SRC: variants seen among roughly 807,000 people sequenced by gnomAD.
The protein encoded by SRC is SRC proto-oncogene, non-receptor tyrosine kinase.
A neutral mutation model predicts 62.9 loss-of-function variants in SRC; 13 were observed. The observed-to-expected ratio is 0.21, with a 90% confidence interval of 0.13 to 0.33. SRC has a LOEUF of 0.33. Ranked by LOEUF, SRC falls within the 10% of genes least tolerant of loss-of-function variation. SRC has a pLI of 1.00. For synonymous variants in SRC, 302 were observed against 317.5 expected (o/e 0.95, Z 0.52); for missense variants, 457 against 737.3 (o/e 0.62, Z 4.40).
At chr20:37,376,861 T>C (rs750932790) in intron 2 of SRC, among the ~76,000 whole-genome samples, 5 of 152,216 alleles carry the variant, frequency 3.3e-5, no homozygotes, top group African/African-American at 4.8e-5. Flanking sequence ...GTCTAAGATG[T>C]GGGCGATGAG....
chr20:37,349,716 G>T (rs549354013), intron 1 of SRC, among the ~76,000 whole-genome samples: 31 of 152,166 alleles, frequency 2.0e-4, no homozygotes, highest in South Asian at 4.1e-4. Flanking sequence ...TGAAGGTGCC[G>T]GTTGGGGCAG....
At chr20:37,371,777 C>T (rs1332362284) in intron 2 of SRC, among the ~76,000 whole-genome samples, 1 of 152,176 alleles carries the variant, frequency 6.6e-6, no homozygotes, top group Non-Finnish European at 1.5e-5. Flanking sequence ...TCTCAGCTCA[C>T]TGCAACCTCC....
chr20:37,377,293 C>G (rs2147014693), intron 2 of SRC, among the ~76,000 whole-genome samples: 1 of 152,328 alleles, frequency 6.6e-6, no homozygotes, highest in Middle Eastern at 3.4e-3. Flanking sequence ...TTTCTATCCC[C>G]ATTTTAAAGG....
intron 2 of SRC, among the ~76,000 whole-genome samples, chr20:37,373,250 GCA>G (rs1005861462): frequency 2.3e-4 from 20 of 85,128 alleles, no homozygotes; most frequent in African/African-American, 1.9e-3. Flanking sequence ...ATGTACACAC[GCA>G]CACACATGTA....
chr20:37,401,793 CT>C, intron 11 of SRC, 115 bp downstream of exon 11: 1 of 665,500 alleles, frequency 1.5e-6, no homozygotes, highest in South Asian at 2.1e-5. Context: ...CCTTGATTGC[CT>C]CCACACTCAC....
chr20:37,376,248 C>T (rs1350323963), intron 2 of SRC, among the ~76,000 whole-genome samples: 2 of 152,216 alleles, frequency 1.3e-5, no homozygotes, highest in Non-Finnish European at 2.9e-5. Context: ...GAGGCTTTTG[C>T]CTAACTGTCA....
Position 37,348,371 on chromosome 20 carries a change from A to G in SRC, c.-247+2116A>G, listed in dbSNP as rs1187301978. Reference sequence around the variant, plus strand: ...AGATGGCTCAGTGACCTGTTGAGGGACCTTCTGCCCATCTCCGTGGTCCTC... The same window carrying G: ...AGATGGCTCAGTGACCTGTTGAGGGGCCTTCTGCCCATCTCCGTGGTCCTC... On this transcript the variant is annotated intron_variant, in intron 1 of 13. Transcript: ENST00000373578. Among the ~76,000 whole-genome samples the G allele has an allele frequency of 4.6e-5, 7 of 151,770 alleles. No homozygotes were observed. In the East Asian group the frequency reaches 1.2e-3, roughly 25 times the overall value.
intron 2 of SRC, among the ~76,000 whole-genome samples, chr20:37,374,534 C>G (rs1002239628): frequency 4.0e-5 from 6 of 151,274 alleles, no homozygotes; most frequent in Non-Finnish European, 5.9e-5. Flanking sequence ...CTTGGATTTC[C>G]CAGACTTATA....
chr20:37,369,037 T>C (rs1267616534), intron 2 of SRC, among the ~76,000 whole-genome samples: 3 of 152,230 alleles, frequency 2.0e-5, no homozygotes, highest in Non-Finnish European at 4.4e-5. Context: ...GGACTCTGAA[T>C]TCCCCTCCAC....
intron 2 of SRC, among the ~76,000 whole-genome samples, chr20:37,369,609 A>G (rs910005216): frequency 3.9e-5 from 6 of 152,054 alleles, no homozygotes; most frequent in Admixed American, 2.6e-4. Flanking sequence ...CTTCCTTTCT[A>G]ATCTGGATGC....
chr20:37,345,286 C>G (rs1305071158), upstream of SRC, among the ~76,000 whole-genome samples: 1 of 152,104 alleles, frequency 6.6e-6, no homozygotes, highest in East Asian at 1.9e-4. Context: ...GAGCCTGCGC[C>G]AGGGGGTAAG....
chr20:37,374,544 A>G (rs1422104173), intron 2 of SRC, among the ~76,000 whole-genome samples: 1 of 146,758 alleles, frequency 6.8e-6, no homozygotes, highest in Non-Finnish European at 1.5e-5. Flanking sequence ...CCAGACTTAT[A>G]CCTATACCAA....
At chr20:37,349,525 C>T (rs2069770304) in intron 1 of SRC, among the ~76,000 whole-genome samples, 1 of 152,228 alleles carries the variant, frequency 6.6e-6, no homozygotes, top group Non-Finnish European at 1.5e-5. Context: ...ATGGGGACAA[C>T]AGATACCTCC....
intron 2 of SRC, among the ~76,000 whole-genome samples, chr20:37,379,412 T>C (rs1382703168): frequency 6.6e-6 from 1 of 152,102 alleles, no homozygotes; most frequent in Non-Finnish European, 1.5e-5. Flanking sequence ...GATAGAGCTC[T>C]GTGCCAGGGA....
chr20:37,386,734 A>G (rs760731434), intron 5 of SRC, among the ~76,000 whole-genome samples: 10 of 151,866 alleles, frequency 6.6e-5, no homozygotes, highest in Non-Finnish European at 1.5e-4. Flanking sequence ...TCACCCTCCC[A>G]TTCTGCCCCG....
intron 5 of SRC, 162 bp downstream of exon 5, chr20:37,386,336 T>C: frequency 1.3e-6 from 1 of 756,168 alleles, no homozygotes; most frequent in Non-Finnish European, 2.4e-6. Context: ...ACTCTCGCCC[T>C]GGGCAGCACC....
rs200391828 is a variant in SRC at position 37,402,700 on chromosome 20, C to T, written c.1271-49C>T. 3.6e-5 allele frequency: 57 copies of T among 1,579,752 alleles called. No homozygotes were observed. Among genetic ancestry groups the T allele is most frequent in the African/African-American group, 1.2e-4 (9 of 74,134 alleles). ...TCCTCATGGTGCTTATCTAGCAGAG[C>T]GGTCATGACAGGAGGTCAGAGCTGC... is the stretch of plus-strand genomic sequence containing the variant. On this transcript the variant is annotated intron_variant, in intron 12 of 13. Transcript: ENST00000373578. The surrounding 1 kb of genome is among the most constrained non-coding windows in gnomAD (Gnocchi z 6.2).
At position 37,384,022 on chromosome 20, in the gene SRC, C is replaced by T; in HGVS notation, c.-4-128C>T. 7.7e-7 allele frequency: 1 copy of T among 1,306,322 alleles called. No homozygotes were observed. Among genetic ancestry groups the T allele is most frequent in the Non-Finnish European group, 1.0e-6 (1 of 969,496 alleles). 80.9% of individuals were successfully genotyped at this position (1,306,322 alleles called of 1,614,324 possible). A position where few individuals can be genotyped will look rare whatever the true frequency, so the allele number is the denominator to read the frequency against. Reference sequence around the variant, plus strand: ...AAGTGCTGGGATTACAGGCGTGAGCCACCGCGCCCGGCCCTGCTGCCTCTC... The same window carrying T: ...AAGTGCTGGGATTACAGGCGTGAGCTACCGCGCCCGGCCCTGCTGCCTCTC... On this transcript the variant is annotated intron_variant, in intron 3 of 13. Transcript: ENST00000373578. This position sits in a 1 kb window ranked among gnomAD's most constrained non-coding sequence, Gnocchi z 6.7.
At chr20:37,385,420 G>A (rs2147057585) in intron 4 of SRC, among the ~76,000 whole-genome samples, 1 of 152,094 alleles carries the variant, frequency 6.6e-6, no homozygotes. Flanking sequence ...GGTGCAGACA[G>A]AACCCACCTG....
Sources: gnomAD v4.1 joint callset for allele counts (sites outside exome capture counted in the v4.1 genomes callset) on GRCh38, gnomAD v4.1.1 for gene constraint, Gnocchi (gnomAD v3.1) non-coding constraint, MANE v1.5 for transcripts, NCBI Gene and HGNC (gene_info 2026-07-23, HGNC 2026-07-21) for gene names.